Variants in PRKG1 observed in about 807,000 individuals in gnomAD.
The protein encoded by PRKG1 is protein kinase cGMP-dependent 1.
PRKG1 carries 35 observed loss-of-function variants against 88.1 expected under a neutral mutation model. The ratio of observed to expected loss-of-function variants is 0.40; its 90% CI spans 0.30 to 0.53. PRKG1 has a LOEUF of 0.53. Among genes scored for constraint, PRKG1 ranks in the 20% least tolerant of loss-of-function variants. The probability of loss-of-function intolerance (pLI) is 0.59; values close to 1 mark genes in which losing one functional copy is unlikely to be tolerated. For missense variants in PRKG1, 540 were observed against 839.8 expected, an observed-to-expected ratio of 0.64 and a Z score of 4.41; for synonymous variants, 303 against 292.5, an observed-to-expected ratio of 1.04 and a Z score of -0.37.
At position 50,991,192 on chromosome 10, in the gene PRKG1, A is replaced by G; in HGVS notation, c.-187A>G. The G allele has an allele frequency of 1.3e-6, 1 of 772,542 alleles. No homozygotes were observed. Among genetic ancestry groups the G allele is most frequent in the Non-Finnish European group, 2.0e-6 (1 of 511,392 alleles). The allele number at this position is 772,542 out of a possible 1,614,324, so 47.9% of individuals were successfully genotyped here. On this transcript the variant is annotated 5_prime_UTR_variant, in exon 1 of 18. Coordinates refer to the PRKG1 transcript ENST00000401604. This position sits in a 1 kb window ranked among gnomAD's most constrained non-coding sequence, Gnocchi z 4.5. ...CCTCGGTGCTTTTAGTCCATTCAGC[A>G]GAAGCGGATCGAAGCAGGAGGCTCC... is the stretch of plus-strand genomic sequence containing the variant.
At chr10:51,428,276 ATCCT>A in intron 2 of PRKG1, among the ~76,000 whole-genome samples, 1 of 152,200 alleles carries the variant, frequency 6.6e-6, no homozygotes, top group East Asian at 1.9e-4. Flanking sequence ...AATATCACTA[ATCCT>A]GGCAATCTCA....
chr10:52,014,760 T>C (rs2133178066), intron 5 of PRKG1, among the ~76,000 whole-genome samples: 1 of 152,368 alleles, frequency 6.6e-6, no homozygotes, highest in East Asian at 1.9e-4. Context: ...AATGTTTCTG[T>C]TCCAAATGGG....
intron 10 of PRKG1, among the ~76,000 whole-genome samples, chr10:52,267,251 T>A (rs2339985): frequency 0.091 from 4,523 of 49,516 alleles, 293 homozygotes; most frequent in East Asian, 0.49. Context: ...CAGAGTTTAC[T>A]TTAAAAAAAA....
At chr10:51,880,271 G>A (rs1035746531) in intron 4 of PRKG1, among the ~76,000 whole-genome samples, 5 of 136,598 alleles carry the variant, frequency 3.7e-5, no homozygotes, top group South Asian at 2.5e-4. Context: ...AAAAAAAAAA[G>A]ATTAAATAAT....
intron 1 of PRKG1, among the ~76,000 whole-genome samples, chr10:51,118,298 C>G (rs966048854): frequency 6.6e-6 from 1 of 151,970 alleles, no homozygotes; most frequent in Non-Finnish European, 1.5e-5. Context: ...TGTGCAAAAG[C>G]AGATTACTTT....
intron 2 of PRKG1, among the ~76,000 whole-genome samples, chr10:51,422,532 T>C (rs1357086438): frequency 6.6e-6 from 1 of 152,186 alleles, no homozygotes; most frequent in Non-Finnish European, 1.5e-5. Context: ...AGAGTGAATT[T>C]GGCCAGACTT....
intron 2 of PRKG1, among the ~76,000 whole-genome samples, chr10:51,175,605 C>T (rs927927170): frequency 1.3e-5 from 2 of 152,042 alleles, no homozygotes; most frequent in Non-Finnish European, 2.9e-5. Flanking sequence ...AACACCATTT[C>T]CTCCATAAAA....
intron 3 of PRKG1, among the ~76,000 whole-genome samples, chr10:51,659,916 G>T (rs924591700): frequency 3.3e-5 from 5 of 151,856 alleles, no homozygotes; most frequent in African/African-American, 9.7e-5. Flanking sequence ...GAACATCAAA[G>T]AAGCAAAAAT....
At chr10:51,623,246 G>C (rs1418918642) in intron 3 of PRKG1, among the ~76,000 whole-genome samples, 2 of 152,172 alleles carry the variant, frequency 1.3e-5, no homozygotes, top group African/African-American at 4.8e-5. Context: ...TGTTGCCCAG[G>C]CTGGAGTGCA....
chr10:51,465,318 C>G (rs998789357), intron 2 of PRKG1, among the ~76,000 whole-genome samples: 1 of 152,024 alleles, frequency 6.6e-6, no homozygotes, highest in Non-Finnish European at 1.5e-5. Flanking sequence ...CTCGCATGGC[C>G]CATAGGTTTC....
intron 5 of PRKG1, among the ~76,000 whole-genome samples, chr10:51,941,437 TG>T (rs1399818725): frequency 9.2e-5 from 14 of 151,860 alleles, no homozygotes; most frequent in Non-Finnish European, 1.9e-4. Context: ...CACGTGCTTA[TG>T]TTTTTTTATT....
chr10:51,771,457 T>G (rs1838303076), intron 3 of PRKG1, among the ~76,000 whole-genome samples: 2 of 152,202 alleles, frequency 1.3e-5, no homozygotes, highest in Non-Finnish European at 2.9e-5. Context: ...GAGCACTGCA[T>G]TTTCATGTTT....
intron 5 of PRKG1, among the ~76,000 whole-genome samples, chr10:51,960,787 G>A (rs763426874): frequency 5.3e-5 from 8 of 152,112 alleles, no homozygotes; most frequent in Non-Finnish European, 7.4e-5. Flanking sequence ...ACTCCAAATA[G>A]GATCTCAAAA....
chr10:51,279,586 G>A (rs1458925129), intron 2 of PRKG1, among the ~76,000 whole-genome samples: 1 of 152,160 alleles, frequency 6.6e-6, no homozygotes, highest in Admixed American at 6.5e-5. Flanking sequence ...ATATATTTAG[G>A]ATAGTTAGCT....
chr10:51,243,129 T>A (rs1839198383), intron 2 of PRKG1, among the ~76,000 whole-genome samples: 2 of 152,132 alleles, frequency 1.3e-5, no homozygotes, highest in African/African-American at 4.8e-5. Context: ...TGGTGGGGGA[T>A]TGTAAGCCCC....
At chr10:51,057,596 A>G (rs529143641) in intron 1 of PRKG1, among the ~76,000 whole-genome samples, 70 of 152,206 alleles carry the variant, frequency 4.6e-4, no homozygotes, top group African/African-American at 1.6e-3. Context: ...GGTAACTATT[A>G]TCTTCACCAT....
At chr10:52,027,599 G>A (rs1365932830) in intron 5 of PRKG1, among the ~76,000 whole-genome samples, 1 of 152,148 alleles carries the variant, frequency 6.6e-6, no homozygotes, top group Non-Finnish European at 1.5e-5. Flanking sequence ...ACAATGGTGA[G>A]CATGGGATAA....
At chr10:51,426,405 G>A (rs910889821) in intron 2 of PRKG1, among the ~76,000 whole-genome samples, 4 of 152,152 alleles carry the variant, frequency 2.6e-5, no homozygotes, top group African/African-American at 4.8e-5. Flanking sequence ...AGATGAATAC[G>A]AATGAGTCCT....
intron 9 of PRKG1, among the ~76,000 whole-genome samples, chr10:52,163,105 C>T (rs1344887093): frequency 6.8e-6 from 1 of 147,214 alleles, no homozygotes; most frequent in Admixed American, 6.9e-5. Flanking sequence ...GGTACCTTAT[C>T]AGTTTTTAAA....
Sources: gnomAD v4.1 joint callset for allele counts (sites outside exome capture counted in the v4.1 genomes callset) on GRCh38, gnomAD v4.1.1 for gene constraint, Gnocchi (gnomAD v3.1) non-coding constraint, MANE v1.5 for transcripts, NCBI Gene and HGNC (gene_info 2026-07-23, HGNC 2026-07-21) for gene names.